The following AIG1 variants were observed in gnomAD, a reference collection of about 807,000 sequenced individuals.
AIG1 encodes the protein androgen-induced gene 1 protein.
A neutral mutation model predicts 31.4 loss-of-function variants in AIG1; 23 were observed. The ratio of observed to expected loss-of-function variants is 0.73; its 90% CI spans 0.53 to 1.04. The LOEUF (loss-of-function observed/expected upper bound fraction) is 1.04, where lower values mean the gene tolerates loss of function less well. AIG1 is among the 50% of genes least tolerant of loss of function. AIG1 has a pLI of 0.00. For synonymous variants in AIG1, 100 were observed against 110.5 expected (o/e 0.90, Z 0.60); for missense variants, 274 against 295.0 (o/e 0.93, Z 0.52).
At chr6:143,319,665 A>G (rs764920670) in intron 4 of AIG1, among the ~76,000 whole-genome samples, 6 of 152,056 alleles carry the variant, frequency 3.9e-5, no homozygotes, top group Non-Finnish European at 7.4e-5. Flanking sequence ...AACAAAGCTA[A>G]GAGTTGGGTT....
rs201281350 is a variant in AIG1 at position 143,308,589 on chromosome 6, G to C, written c.515+24364G>C. ...GGGGCTTTGTTATGCTGTCTGGCTTGTTCTGAGGTCAACAGGGAAGTCAAC... is the reference window on the plus strand; with the variant it reads ...GGGGCTTTGTTATGCTGTCTGGCTTCTTCTGAGGTCAACAGGGAAGTCAAC... On this transcript the variant is annotated intron_variant, in intron 4 of 5. Transcript: ENST00000357847. Among the ~76,000 whole-genome samples the C allele has an allele frequency of 3.3e-5, 5 of 152,276 alleles. No individual in the cohort carries two copies. In the East Asian group the frequency reaches 9.6e-4, roughly 29 times the overall value.
chr6:143,271,134 A>AGAT (rs1485708660), intron 3 of AIG1, among the ~76,000 whole-genome samples: 1 of 152,248 alleles, frequency 6.6e-6, no homozygotes, highest in Admixed American at 6.5e-5. Context: ...GAGTGTTTGC[A>AGAT]GATGTCAGTG....
intron 3 of AIG1, among the ~76,000 whole-genome samples, chr6:143,176,666 C>A (rs534130317): frequency 1.3e-5 from 2 of 152,342 alleles, no homozygotes; most frequent in African/African-American, 4.8e-5. Flanking sequence ...AGCTCCCATG[C>A]AGCCTGCTGC....
chr6:143,140,874 C>T (rs1406591021), intron 2 of AIG1, among the ~76,000 whole-genome samples: 1 of 152,222 alleles, frequency 6.6e-6, no homozygotes, highest in South Asian at 2.1e-4. Flanking sequence ...GAGTACCAGA[C>T]ATCCTATAGC....
At chr6:143,227,451 A>G (rs946743019) in intron 3 of AIG1, among the ~76,000 whole-genome samples, 3 of 152,122 alleles carry the variant, frequency 2.0e-5, no homozygotes, top group African/African-American at 7.2e-5. Context: ...CTAAGGAGAG[A>G]TAATCTTAAA....
At chr6:143,069,368 TTGATAGATGCACAG>T (rs1391379049) in intron 1 of AIG1, among the ~76,000 whole-genome samples, 3 of 151,978 alleles carry the variant, frequency 2.0e-5, no homozygotes, top group Non-Finnish European at 4.4e-5. Flanking sequence ...ATGCATAGTT[TTGATAGATGCACAG>T]TTTTGATAGA....
intron 2 of AIG1, among the ~76,000 whole-genome samples, chr6:143,143,538 T>A (rs1784456972): frequency 6.0e-5 from 7 of 116,960 alleles, no homozygotes; most frequent in African/African-American, 1.7e-4. Flanking sequence ...AATATATATA[T>A]ATATATATAT....
chr6:143,136,779 C>T, intron 1 of AIG1, 56 bp from the exon 2 acceptor site: 1 of 1,305,920 alleles, frequency 7.7e-7, no homozygotes, highest in Non-Finnish European at 9.9e-7. Context: ...ATTTGCTGTT[C>T]CACAGCTTGG....
intron 1 of AIG1, among the ~76,000 whole-genome samples, chr6:143,111,868 G>A (rs1481505995): frequency 1.3e-5 from 2 of 151,998 alleles, no homozygotes; most frequent in Admixed American, 1.3e-4. Flanking sequence ...CTGCAGTCTT[G>A]ACCCTCTTCT....
At chr6:143,209,248 A>C (rs1333740440) in intron 3 of AIG1, among the ~76,000 whole-genome samples, 2 of 152,234 alleles carry the variant, frequency 1.3e-5, no homozygotes, top group Non-Finnish European at 2.9e-5. Flanking sequence ...GGTATTGAAC[A>C]GGATACTAAA....
chr6:143,331,851 T>A lies in AIG1; in HGVS notation c.516-1431T>A, dbSNP rs1777106370. On this transcript the variant is annotated intron_variant, in intron 4 of 5. Coordinates refer to ENST00000357847, the MANE Select transcript of AIG1 (RefSeq NM_016108.4). The surrounding 1 kb of genome is among the most constrained non-coding windows in gnomAD (Gnocchi z 4.1). ...AGGTACATGTGTAGGTAATGTTTAT[T>A]ATTATTATTATTATTATTATTATTA... is the stretch of plus-strand genomic sequence containing the variant. Among the ~76,000 whole-genome samples the A allele has an allele frequency of 7.7e-6, 1 of 129,254 alleles. No homozygotes were observed. Among genetic ancestry groups the A allele is most frequent in the Admixed American group, 7.5e-5 (1 of 13,284 alleles). 84.8% of individuals were successfully genotyped at this position (129,254 alleles called of 152,430 possible).
At chr6:143,212,086 C>G (rs753941607) in intron 3 of AIG1, among the ~76,000 whole-genome samples, 4 of 152,068 alleles carry the variant, frequency 2.6e-5, no homozygotes, top group Non-Finnish European at 5.9e-5. Context: ...TTAGCAACAT[C>G]CCTGGCCTCT....
chr6:143,321,420 G>A (rs1169096513), intron 4 of AIG1, among the ~76,000 whole-genome samples: 2 of 151,684 alleles, frequency 1.3e-5, no homozygotes, highest in African/African-American at 2.4e-5. Flanking sequence ...CCAACATGGC[G>A]AAACCCCATC....
rs768769709 is a variant in AIG1 at position 143,333,273 on chromosome 6, C to A, written c.516-9C>A. 6.3e-6 allele frequency: 10 copies of A among 1,599,906 alleles called. No individual in the cohort carries two copies. Among genetic ancestry groups the A allele is most frequent in the East Asian group, 2.2e-5 (1 of 44,450 alleles). On this transcript the variant is annotated splice_polypyrimidine_tract_variant and intron_variant, in intron 4 of 5. Transcript: ENST00000357847. The surrounding 1 kb of genome is among the most constrained non-coding windows in gnomAD (Gnocchi z 4.6). ...TCCTGTCCTTGTCTCCTTTCCGATT[C>A]TTTTGCAGGGTGTGCTGGGTGCATC...
intron 1 of AIG1, among the ~76,000 whole-genome samples, chr6:143,100,191 C>CCAATGT (rs1163905696): frequency 6.6e-6 from 1 of 152,194 alleles, no homozygotes; most frequent in African/African-American, 2.4e-5. Context: ...TTCTATTCTT[C>CCAATGT]CAATGTCAGT....
chr6:143,180,974 G>T (rs1348690000), intron 3 of AIG1, among the ~76,000 whole-genome samples: 1 of 152,154 alleles, frequency 6.6e-6, no homozygotes, highest in African/African-American at 2.4e-5. Context: ...CCACTTGGAT[G>T]ATCATTGGTT....
chr6:143,172,894 G>C (rs1039003089), intron 3 of AIG1, among the ~76,000 whole-genome samples: 1 of 152,122 alleles, frequency 6.6e-6, no homozygotes, highest in African/African-American at 2.4e-5. Flanking sequence ...TTGTGTTTCT[G>C]TGGTATCAGT....
chr6:143,176,426 T>A (rs1260570442), intron 3 of AIG1, among the ~76,000 whole-genome samples: 1 of 152,194 alleles, frequency 6.6e-6, no homozygotes, highest in Non-Finnish European at 1.5e-5. Context: ...GATTGTTTTT[T>A]GTCTTGGGCT....
rs539026679 is a variant in AIG1 at position 143,153,804 on chromosome 6, T to C, written c.298-11278T>C. On this transcript the variant is annotated intron_variant, in intron 2 of 5. Transcript: ENST00000357847. ...GTTTCTTCTAGAATGATTAACCACA[T>C]TTACTCGCCAAAACTTGAGTTCTGA... is the stretch of plus-strand genomic sequence containing the variant. Among the ~76,000 whole-genome samples, 6 of 152,170 alleles carry C rather than the reference T, an allele frequency of 3.9e-5. No homozygotes were observed. In the East Asian group the frequency reaches 9.6e-4, roughly 24 times the overall value.
Sources: gnomAD v4.1 joint callset for allele counts (sites outside exome capture counted in the v4.1 genomes callset) on GRCh38, gnomAD v4.1.1 for gene constraint, Gnocchi (gnomAD v3.1) non-coding constraint, MANE v1.5 for transcripts, NCBI Gene and HGNC (gene_info 2026-07-23, HGNC 2026-07-21) for gene names.